EPB41L3: variants seen among roughly 807,000 people sequenced by gnomAD.
EPB41L3 encodes band 4.1-like protein 3.
A neutral mutation model predicts 127.1 loss-of-function variants in EPB41L3; 57 were observed. The observed-to-expected ratio is 0.45, with a 90% confidence interval of 0.36 to 0.56. EPB41L3 has a LOEUF of 0.56. EPB41L3 is among the 20% of genes least tolerant of loss of function. The pLI, the probability that EPB41L3 is intolerant of heterozygous loss-of-function variation, is 0.00. For missense variants in EPB41L3, 1,273 were observed against 1,372.2 expected (o/e 0.93, Z 1.14); for synonymous variants, 572 against 549.5 (o/e 1.04, Z -0.57).
rs1163518352 is a variant in EPB41L3 at position 5,415,800 on chromosome 18, C to T, written c.2067+18G>A. 1 of 1,605,162 alleles carries T rather than the reference C, an allele frequency of 6.2e-7. No individual in the cohort carries two copies. On this transcript the variant is annotated intron_variant, in intron 13 of 22. Transcript: ENST00000341928. ...ACGGAACACGAAGGGGAAGCGTGTTCTATGCCGAGGTACACACCTCTTCCT... is the reference window on the plus strand; with the variant it reads ...ACGGAACACGAAGGGGAAGCGTGTTTTATGCCGAGGTACACACCTCTTCCT...
intron 21 of EPB41L3, 62 bp downstream of exon 21, chr18:5,395,005 G>T: frequency 1.3e-6 from 2 of 1,514,494 alleles, no homozygotes; most frequent in Non-Finnish European, 1.8e-6. Context: ...CATTGAAACT[G>T]TAGGACCAAC....
At chr18:5,400,564 T>A (rs1246127660) in intron 16 of EPB41L3, 1 of 457,994 alleles carries the variant, frequency 2.2e-6, no homozygotes, top group Non-Finnish European at 4.4e-6. Flanking sequence ...GTCAGCAGAG[T>A]CTCCTTCCTG....
rs567994904 is a variant in EPB41L3 at position 5,468,321 on chromosome 18, C to T, written c.381+9920G>A. ...GGGTGGGTCCCTGGTGAAGTCCCAC[C>T]CTCCAGCTAGGGATGGTCTGAAACA... On this transcript the variant is annotated intron_variant, in intron 3 of 22. Transcript: ENST00000341928. Among the ~76,000 whole-genome samples the T allele has an allele frequency of 1.3e-3, 193 of 152,302 alleles. 1 individual carries two copies. Among genetic ancestry groups the T allele is most frequent in the Middle Eastern group, 3.4e-3 (1 of 294 alleles).
chr18:5,489,274 G>A, intron 1 of EPB41L3, 80 bp from the exon 2 acceptor site: 1 of 1,488,726 alleles, frequency 6.7e-7, no homozygotes, highest in Admixed American at 2.5e-5. Flanking sequence ...TGCTCACCGT[G>A]AAAGGCTCAA....
At chr18:5,444,372 T>C (rs2081197145) in intron 4 of EPB41L3, among the ~76,000 whole-genome samples, 2 of 152,190 alleles carry the variant, frequency 1.3e-5, no homozygotes, top group Non-Finnish European at 2.9e-5. Context: ...AATCAGATGT[T>C]TAATAATGAA....
chr18:5,396,268 T>C lies in EPB41L3; in HGVS notation c.2906A>G (p.Glu969Gly). The C allele has an allele frequency of 6.2e-7, 1 of 1,614,244 alleles. No individual in the cohort carries two copies. Among genetic ancestry groups the C allele is most frequent in the Non-Finnish European group, 8.5e-7 (1 of 1,180,036 alleles). Reference protein sequence around the residue: ...GSVSPGGVKLEISTKEVPVVH... With the variant: ...GSVSPGGVKLGISTKEVPVVH... The stretch of plus-strand genomic sequence containing the variant: ...TACTGGCACTTCCTTCGTGGAAATT[T>C]CTAGCTTTACTCCTCCCGGTGAAAC... Residue 969 changes from glutamate to glycine, a missense_variant, in exon 19 of 23, where the codon GAA (glutamate) becomes GGA (glycine). This residue lies in a region of EPB41L3 where 765 missense variants were observed against 782.9 expected (regional missense o/e 0.98). Transcript: ENST00000341928.
At chr18:5,473,344 GA>G (rs764523883) in intron 3 of EPB41L3, among the ~76,000 whole-genome samples, 2 of 152,002 alleles carry the variant, frequency 1.3e-5, no homozygotes, top group Non-Finnish European at 2.9e-5. Context: ...ACCACTCTTA[GA>G]GTAATGTTCT....
In EPB41L3 at chr18:5,393,317, T is replaced by G. The variant is rs2072696840; in HGVS notation, c.*168A>C. On this transcript the variant is annotated 3_prime_UTR_variant, in exon 23 of 23. Coordinates refer to ENST00000341928, the MANE Select transcript of EPB41L3 (RefSeq NM_012307.5). ...ATCAGATTGCTTTATTATGGGAAGA[T>G]CTCTCTGCCAGTGTCTTTATTAATG... 2.0e-6 allele frequency: 1 copy of G among 491,688 alleles called. No homozygotes were observed. The highest frequency in any genetic ancestry group is 3.6e-6 in the Non-Finnish European group (1 of 277,900). 30.5% of individuals were successfully genotyped at this position (491,688 alleles called of 1,614,324 possible).
chr18:5,564,279 G>A (rs2094170698), intron 3 of EPB41L3, among the ~76,000 whole-genome samples: 1 of 152,138 alleles, frequency 6.6e-6, no homozygotes, highest in African/African-American at 2.4e-5. Context: ...TGTCTTACAG[G>A]TAAAGATAGG....
intron 1 of EPB41L3, chr18:5,489,496 T>C (rs2090333445): frequency 3.1e-6 from 1 of 321,218 alleles, no homozygotes; most frequent in East Asian, 6.3e-5. Context: ...AGAAATGTCA[T>C]AATAATTAAA....
At chr18:5,629,678 G>A (rs1027017250), upstream of EPB41L3, among the ~76,000 whole-genome samples, 1 of 152,136 alleles carries the variant, frequency 6.6e-6, no homozygotes, top group African/African-American at 2.4e-5. Flanking sequence ...TCGAGCTGCA[G>A]GGGGGCGGGG....
intron 3 of EPB41L3, among the ~76,000 whole-genome samples, chr18:5,603,396 G>A (rs1208778814): frequency 2.6e-5 from 4 of 152,180 alleles, no homozygotes; most frequent in Non-Finnish European, 5.9e-5. Flanking sequence ...GCCCTGGAAC[G>A]GAAGCATGTT....
chr18:5,453,779 AC>A (rs1397824830), intron 3 of EPB41L3, among the ~76,000 whole-genome samples: 1 of 152,206 alleles, frequency 6.6e-6, no homozygotes, highest in Non-Finnish European at 1.5e-5. Flanking sequence ...CTGCCCTGGT[AC>A]AGTGTCCTGA....
intron 1 of EPB41L3, among the ~76,000 whole-genome samples, chr18:5,528,523 CT>C (rs2093310123): frequency 6.6e-6 from 1 of 151,944 alleles, no homozygotes; most frequent in African/African-American, 2.4e-5. Context: ...TCAATCAACC[CT>C]TTTGTGTATC....
chr18:5,559,197 A>T (rs929559396), intron 3 of EPB41L3, among the ~76,000 whole-genome samples: 2 of 152,224 alleles, frequency 1.3e-5, no homozygotes, highest in Non-Finnish European at 2.9e-5. Context: ...GCAGACTAAG[A>T]ACACAGATGA....
intron 1 of EPB41L3, among the ~76,000 whole-genome samples, chr18:5,510,343 T>A (rs1488874260): frequency 6.6e-6 from 1 of 152,032 alleles, no homozygotes; most frequent in Non-Finnish European, 1.5e-5. Flanking sequence ...CCAAGCCCCA[T>A]CCCCAGGCAG....
intron 3 of EPB41L3, among the ~76,000 whole-genome samples, chr18:5,457,213 G>A (rs1568260540): frequency 1.5e-5 from 2 of 135,146 alleles, no homozygotes; most frequent in African/African-American, 5.1e-5. Context: ...TAGGAAAATC[G>A]CAAACATTCT....
intron 2 of EPB41L3, chr18:5,479,518 T>G (rs2087973124): frequency 6.6e-6 from 1 of 152,240 alleles, no homozygotes; most frequent in African/African-American, 2.4e-5. Context: ...TTGGGTATAT[T>G]TATTTTGGGT....
rs376632559 is a variant in EPB41L3, at chr18:5,415,944, G to A, written c.1941C>T (p.Ser647=). ...LFIFFFLLSA[S]FSVPYALTLS... ...GAGTGAGAGCGTATGGCACTGAGAA[G>A]GAGGCAGACAGCAGAAAGAAAAAGA... Residue 647 remains serine, a synonymous_variant, in exon 13 of 23, where the codon TCC becomes TCT. Coordinates refer to ENST00000341928, the MANE Select transcript of EPB41L3 (RefSeq NM_012307.5). 1.9e-6 allele frequency: 3 copies of A among 1,614,032 alleles called. No homozygotes were observed. The African/African-American group carries it at 4.0e-5, about 22-fold the overall frequency.
Sources: allele counts gnomAD v4.1 joint callset (sites outside exome capture counted in the v4.1 genomes callset), GRCh38; gene constraint gnomAD v4.1.1; regional missense constraint gnomAD v4.1.1; transcripts MANE v1.5; gene names NCBI Gene and HGNC (gene_info 2026-07-23, HGNC 2026-07-21).